Variants in CSMD1 observed in about 807,000 individuals in gnomAD.
CSMD1 encodes the protein CUB and Sushi multiple domains 1, also known as CUB and sushi domain-containing protein 1.
Under a neutral mutation model 417.5 loss-of-function variants are expected in CSMD1, and 213 were observed. The observed-to-expected ratio is 0.51, with a 90% confidence interval of 0.46 to 0.57. The LOEUF (loss-of-function observed/expected upper bound fraction) is 0.57. CSMD1 is among the 20% of genes least tolerant of loss of function. The pLI is 0.00. For synonymous variants in CSMD1, 2,862 were observed against 1,736.8 expected (o/e 1.65, Z -16.11); for missense variants, 6,923 against 4,529.7 (o/e 1.53, Z -15.17).
chr8:3,367,494 G>C (rs1809673695), intron 19 of CSMD1, among the ~76,000 whole-genome samples: 1 of 151,616 alleles, frequency 6.6e-6, no homozygotes, highest in Admixed American at 6.6e-5. Flanking sequence ...GGTTAGGAGA[G>C]GTAACAATTG....
chr8:3,306,237 G>C (rs1037443600), intron 25 of CSMD1, among the ~76,000 whole-genome samples: 6 of 152,100 alleles, frequency 3.9e-5, no homozygotes, highest in South Asian at 2.1e-4. Context: ...TTCTGAATAA[G>C]GACAAAAATC....
rs667859 is a variant in CSMD1, at chr8:2,963,223, G to C, written c.9453C>G (p.Leu3151=). Residue 3151 remains leucine, a splice_region_variant and synonymous_variant, in exon 60 of 70, where the codon CTC becomes CTG. Coordinates refer to ENST00000635120, the MANE Select transcript of CSMD1 (RefSeq NM_033225.6). ...AACAAATTCTGCTGTAGAACTTACG[G>C]AGACACTGGGGGATCTCTCCTTTCC... ...GVWKGEIPQC[L]PVFCGDPGIP... The C allele has an allele frequency of 0.35, 563,915 of 1,613,220 alleles. 101,292 individuals are homozygous for C. The highest frequency in any genetic ancestry group is 0.58 in the East Asian group (26,186 of 44,852).
chr8:4,393,443 T>G (rs1000346304), intron 3 of CSMD1, among the ~76,000 whole-genome samples: 4 of 152,126 alleles, frequency 2.6e-5, no homozygotes, highest in Non-Finnish European at 5.9e-5. Flanking sequence ...CAAAATGCAG[T>G]TTTATGAATA....
chr8:4,720,875 C>T (rs983687290), intron 1 of CSMD1, among the ~76,000 whole-genome samples: 2 of 152,230 alleles, frequency 1.3e-5, no homozygotes, highest in African/African-American at 2.4e-5. Flanking sequence ...ATCCTAGTGC[C>T]GTCTCTGGTA....
intron 21 of CSMD1, 144 bp from the exon 22 acceptor site, chr8:3,348,305 A>ATTT: frequency 7.2e-6 from 4 of 557,500 alleles, no homozygotes; most frequent in South Asian, 2.5e-5. Context: ...TAGATCAGTG[A>ATTT]TTTTTTTTTA....
intron 6 of CSMD1, among the ~76,000 whole-genome samples, chr8:3,709,680 G>GGTTTTTTTTT (rs1554518393): frequency 3.0e-5 from 1 of 33,694 alleles, no homozygotes; most frequent in Non-Finnish European, 5.7e-5. Flanking sequence ...GCAGCAGCAT[G>GGTTTTTTTTT]TTTTTTTTTT....
At chr8:3,656,551 T>G (rs1798120628) in intron 7 of CSMD1, among the ~76,000 whole-genome samples, 1 of 152,204 alleles carries the variant, frequency 6.6e-6, no homozygotes, top group South Asian at 2.1e-4. Flanking sequence ...GATGCTCAAA[T>G]GAGAACATGA....
chr8:4,714,302 A>C (rs1173198367), intron 1 of CSMD1, among the ~76,000 whole-genome samples: 1 of 152,184 alleles, frequency 6.6e-6, no homozygotes, highest in Non-Finnish European at 1.5e-5. Context: ...TCTCTTTAAG[A>C]AAAAGAAATC....
chr8:3,409,748 T>C (rs1312596355), intron 12 of CSMD1, 143 bp from the exon 13 acceptor site: 2 of 617,442 alleles, frequency 3.2e-6, no homozygotes, highest in Non-Finnish European at 5.5e-6. Context: ...GATATTCAAT[T>C]GATCTTAAAT....
At chr8:2,948,665 A>G (rs1358022341) in intron 68 of CSMD1, among the ~76,000 whole-genome samples, 4 of 152,148 alleles carry the variant, frequency 2.6e-5, no homozygotes, top group Non-Finnish European at 5.9e-5. Context: ...TCTAAGTTCC[A>G]CTACTAAAAC....
At chr8:3,703,808 T>G (rs767988815) in intron 7 of CSMD1, among the ~76,000 whole-genome samples, 2 of 152,144 alleles carry the variant, frequency 1.3e-5, no homozygotes, top group Non-Finnish European at 2.9e-5. Context: ...TGGTGGCTCA[T>G]GACTGTAATC....
chr8:3,182,972 A>G (rs1042787669), intron 36 of CSMD1: 1 of 148,616 alleles, frequency 6.7e-6, no homozygotes, highest in Non-Finnish European at 1.5e-5. Flanking sequence ...GTTAGTTAGG[A>G]TGGTCTCGAT....
chr8:3,906,913 T>C (rs755507295), intron 5 of CSMD1, among the ~76,000 whole-genome samples: 4 of 152,162 alleles, frequency 2.6e-5, no homozygotes, highest in Non-Finnish European at 5.9e-5. Flanking sequence ...TATCCTGAAC[T>C]TGACAAGTGA....
chr8:4,328,618 T>C (rs555777177), intron 3 of CSMD1, among the ~76,000 whole-genome samples: 2 of 151,504 alleles, frequency 1.3e-5, no homozygotes, highest in African/African-American at 2.4e-5. Flanking sequence ...TTTTGAAATA[T>C]TTACCATGCT....
At chr8:3,589,315 T>C (rs980236343) in intron 8 of CSMD1, among the ~76,000 whole-genome samples, 7 of 151,996 alleles carry the variant, frequency 4.6e-5, no homozygotes, top group African/African-American at 1.7e-4. Context: ...TTACTCACAA[T>C]AGCCAAGTCG....
chr8:4,159,185 G>C (rs995096639), intron 3 of CSMD1, among the ~76,000 whole-genome samples: 1 of 152,070 alleles, frequency 6.6e-6, no homozygotes, highest in African/African-American at 2.4e-5. Flanking sequence ...CAAAGTGCTG[G>C]GATTACAGGC....
chr8:3,856,149 T>C (rs922614528), intron 5 of CSMD1, among the ~76,000 whole-genome samples: 8 of 152,078 alleles, frequency 5.3e-5, no homozygotes, highest in Admixed American at 1.3e-4. Flanking sequence ...GGTGACTGGA[T>C]TGTGGAGGTG....
intron 3 of CSMD1, among the ~76,000 whole-genome samples, chr8:4,352,853 C>G (rs926282846): frequency 2.0e-5 from 3 of 152,098 alleles, no homozygotes; most frequent in African/African-American, 4.8e-5. Flanking sequence ...GGACCTGTTT[C>G]TCTTTGTTTT....
chr8:4,886,402 G>C (rs927072332), intron 1 of CSMD1, among the ~76,000 whole-genome samples: 5 of 151,774 alleles, frequency 3.3e-5, no homozygotes, highest in African/African-American at 9.7e-5. Flanking sequence ...GATTTTTCTT[G>C]ATAATGTTTT....
Sources: gnomAD v4.1 joint callset for allele counts (sites outside exome capture counted in the v4.1 genomes callset) on GRCh38, gnomAD v4.1.1 for gene constraint, MANE v1.5 for transcripts, NCBI Gene and HGNC (gene_info 2026-07-23, HGNC 2026-07-21) for gene names.